MAPK10: variants seen among roughly 807,000 people sequenced by gnomAD.
MAPK10 encodes the protein mitogen-activated protein kinase 10, also known as JNK3 alpha protein kinase.
MAPK10 carries 25 observed loss-of-function variants against 59.3 expected under a neutral mutation model. That is an observed-to-expected ratio of 0.42 (90% CI 0.31 to 0.59). MAPK10 has a LOEUF of 0.59. Among genes scored for constraint, MAPK10 ranks in the 20% least tolerant of loss-of-function variants. The pLI is 0.15. For synonymous variants in MAPK10, 190 were observed against 200.5 expected, an observed-to-expected ratio of 0.95 and a Z score of 0.44; for missense variants, 351 against 568.9, an observed-to-expected ratio of 0.62 and a Z score of 3.90.
At chr4:86,383,827 G>T (rs1359922123) in intron 1 of MAPK10, among the ~76,000 whole-genome samples, 1 of 152,132 alleles carries the variant, frequency 6.6e-6, no homozygotes, top group Non-Finnish European at 1.5e-5. Context: ...CATATGTAGA[G>T]ATAACAATTT....
chr4:86,569,654 A>G (rs1761316856), intron 1 of MAPK10, among the ~76,000 whole-genome samples: 2 of 152,174 alleles, frequency 1.3e-5, no homozygotes, highest in Admixed American at 1.3e-4. Flanking sequence ...TTGCAGCAAC[A>G]TAGATGGGAC....
rs771424570 is a variant in MAPK10, at chr4:86,223,928, C to A, written c.-6-29521G>T. 2.0e-3 allele frequency among the ~76,000 whole-genome samples: 299 copies of A among 152,304 alleles called. 3 individuals carry two copies. Among genetic ancestry groups the A allele is most frequent in the Non-Finnish European group, 2.6e-3 (176 of 68,026 alleles). ...ATGTAAATAATGTGCCTTTCATACC[C>A]TCTTGTGGCATGTGTGGCATCATCA... On this transcript the variant is annotated intron_variant, in intron 2 of 13. Coordinates refer to ENST00000641462, the MANE Select transcript of MAPK10 (RefSeq NM_138982.4).
At chr4:86,086,415 T>C (rs960812389) in intron 9 of MAPK10, among the ~76,000 whole-genome samples, 5 of 152,190 alleles carry the variant, frequency 3.3e-5, no homozygotes, top group African/African-American at 4.8e-5. Context: ...ATTGAATTGT[T>C]TGTAACACAA....
intron 1 of MAPK10, among the ~76,000 whole-genome samples, chr4:86,500,362 A>G (rs982256326): frequency 1.3e-5 from 2 of 152,200 alleles, no homozygotes; most frequent in Non-Finnish European, 2.9e-5. Context: ...ACGTTGCAGT[A>G]ATCCTGACCT....
intron 4 of MAPK10, among the ~76,000 whole-genome samples, chr4:86,107,859 G>C (rs1455582798): frequency 6.6e-6 from 1 of 152,036 alleles, no homozygotes. Flanking sequence ...AGAACCAGGT[G>C]TTTTGTTTGT....
chr4:86,460,604 T>A (rs569868393), intron 1 of MAPK10, among the ~76,000 whole-genome samples: 1 of 152,242 alleles, frequency 6.6e-6, no homozygotes, highest in Non-Finnish European at 1.5e-5. Flanking sequence ...CACTGTGACA[T>A]GCTCATGATG....
chr4:86,510,425 C>T (rs933722787), intron 1 of MAPK10, among the ~76,000 whole-genome samples: 1 of 151,806 alleles, frequency 6.6e-6, no homozygotes, highest in East Asian at 1.9e-4. Context: ...ATAAACTGGC[C>T]TTGAATTTGT....
intron 2 of MAPK10, among the ~76,000 whole-genome samples, chr4:86,229,341 C>T (rs986201525): frequency 1.3e-5 from 2 of 151,992 alleles, no homozygotes; most frequent in African/African-American, 4.8e-5. Flanking sequence ...AATAAAGTAG[C>T]CATTGTGAAA....
At chr4:86,244,389 T>C (rs147324094) in intron 2 of MAPK10, among the ~76,000 whole-genome samples, 1 of 152,360 alleles carries the variant, frequency 6.6e-6, no homozygotes, top group African/African-American at 2.4e-5. Flanking sequence ...ACAGTAAAGA[T>C]ATGAAAGGTA....
chr4:86,271,471 G>T lies in MAPK10; in HGVS notation c.-6-77064C>A, dbSNP rs1329637172. 2.6e-5 allele frequency among the ~76,000 whole-genome samples: 4 copies of T among 151,978 alleles called. No homozygotes were observed. The South Asian group carries it at 8.3e-4, about 32-fold the overall frequency. On this transcript the variant is annotated intron_variant, in intron 2 of 13. Transcript: ENST00000641462. Reference sequence around the variant, plus strand: ...TTTTTCCACTTTTATTTTAGATTCAGAGGGTACATATGGAGGTTTGTTACC... The same window carrying T: ...TTTTTCCACTTTTATTTTAGATTCATAGGGTACATATGGAGGTTTGTTACC...
At chr4:86,187,256 A>C (rs1476670429) in intron 3 of MAPK10, among the ~76,000 whole-genome samples, 1 of 152,190 alleles carries the variant, frequency 6.6e-6, no homozygotes, top group Non-Finnish European at 1.5e-5. Context: ...TATTAACAAC[A>C]ATAACTAATA....
intron 1 of MAPK10, among the ~76,000 whole-genome samples, chr4:86,372,361 C>CA (rs1304705793): frequency 2.0e-5 from 3 of 151,592 alleles, no homozygotes; most frequent in African/African-American, 7.3e-5. Context: ...TACTAAAATA[C>CA]AAAAAATTAG....
chr4:86,544,069 G>A (rs1374413194), intron 1 of MAPK10, among the ~76,000 whole-genome samples: 1 of 152,170 alleles, frequency 6.6e-6, no homozygotes, highest in South Asian at 2.1e-4. Flanking sequence ...TCATGTGGAG[G>A]GAGAGAATGG....
chr4:86,540,225 G>A (rs1758567783), intron 1 of MAPK10, among the ~76,000 whole-genome samples: 1 of 152,342 alleles, frequency 6.6e-6, no homozygotes, highest in Non-Finnish European at 1.5e-5. Context: ...GCCATGCACA[G>A]TGTGTTAGCT....
intron 1 of MAPK10, among the ~76,000 whole-genome samples, chr4:86,529,929 A>T (rs1047555554): frequency 1.3e-5 from 2 of 152,214 alleles, no homozygotes; most frequent in African/African-American, 4.8e-5. Context: ...TATATGATTC[A>T]GACACATCCA....
chr4:86,270,251 G>A (rs1327163516), intron 2 of MAPK10, among the ~76,000 whole-genome samples: 1 of 151,920 alleles, frequency 6.6e-6, no homozygotes, highest in Non-Finnish European at 1.5e-5. Context: ...ATGAAATAAA[G>A]AGATTAGTTT....
chr4:86,215,134 C>G (rs1042553204), intron 2 of MAPK10, among the ~76,000 whole-genome samples: 1 of 152,144 alleles, frequency 6.6e-6, no homozygotes, highest in Non-Finnish European at 1.5e-5. Context: ...AATTTTCAAC[C>G]AGGATGCCAA....
At chr4:86,371,143 G>T (rs560668217) in intron 1 of MAPK10, among the ~76,000 whole-genome samples, 2 of 152,274 alleles carry the variant, frequency 1.3e-5, no homozygotes, top group African/African-American at 4.8e-5. Flanking sequence ...CTGGCTTTTT[G>T]AGTCATTTAA....
At chr4:86,544,720 C>T (rs1414858295) in intron 1 of MAPK10, among the ~76,000 whole-genome samples, 1 of 152,160 alleles carries the variant, frequency 6.6e-6, no homozygotes, top group African/African-American at 2.4e-5. Flanking sequence ...GTTTGTCTAT[C>T]TGATAAGCTT....
Sources: gnomAD v4.1 joint callset for allele counts (sites outside exome capture counted in the v4.1 genomes callset) on GRCh38, gnomAD v4.1.1 for gene constraint, MANE v1.5 for transcripts, NCBI Gene and HGNC (gene_info 2026-07-23, HGNC 2026-07-21) for gene names.